The following STOX2 variants were observed in gnomAD, a reference collection of about 807,000 sequenced individuals.
STOX2 encodes the protein storkhead box 2.
Under a neutral mutation model 60.9 loss-of-function variants are expected in STOX2, and 28 were observed. The observed-to-expected ratio is 0.46, with a 90% confidence interval of 0.34 to 0.63. The LOEUF is 0.63. Among genes scored for constraint, STOX2 ranks in the 30% least tolerant of loss-of-function variants. The pLI is 0.01. For missense variants in STOX2, 1,024 were observed against 1,187.7 expected, an observed-to-expected ratio of 0.86 and a Z score of 2.03; for synonymous variants, 472 against 463.9, an observed-to-expected ratio of 1.02 and a Z score of -0.22.
At chr4:183,951,180 A>G (rs1219014824) in intron 1 of STOX2, among the ~76,000 whole-genome samples, 1 of 148,752 alleles carries the variant, frequency 6.7e-6, no homozygotes, top group Non-Finnish European at 1.5e-5. Flanking sequence ...GCGCCACTGC[A>G]CTCCAGCCTG....
rs1012214411 is a variant in STOX2, at chr4:183,856,629, G to A, written c.364+58574G>A. Reference sequence around the variant, plus strand: ...CAGCTAATGGTAGGGTGGTTCATGTGAACATCGCTTTGCAGTTAGCTGTCT... The same window carrying A: ...CAGCTAATGGTAGGGTGGTTCATGTAAACATCGCTTTGCAGTTAGCTGTCT... On this transcript the variant is annotated intron_variant, in intron 1 of 2. Coordinates refer to the STOX2 transcript ENST00000513034. This position sits in a 1 kb window ranked among gnomAD's most constrained non-coding sequence, Gnocchi z 4.0. 2.6e-5 allele frequency among the ~76,000 whole-genome samples: 4 copies of A among 152,192 alleles called. No homozygotes were observed. Among genetic ancestry groups the A allele is most frequent in the African/African-American group, 9.7e-5 (4 of 41,450 alleles).
chr4:183,949,916 G>A (rs1254696445), intron 1 of STOX2, among the ~76,000 whole-genome samples: 1 of 152,064 alleles, frequency 6.6e-6, no homozygotes, highest in Non-Finnish European at 1.5e-5. Flanking sequence ...CCCTCCTCTA[G>A]CAATGTCACC....
At chr4:183,921,389 G>C (rs1742095138) in intron 1 of STOX2, among the ~76,000 whole-genome samples, 1 of 152,308 alleles carries the variant, frequency 6.6e-6, no homozygotes, top group South Asian at 2.1e-4. Context: ...AAGGATCAGT[G>C]AACTGGTTTA....
rs190631532 is a variant in STOX2, at chr4:184,017,651, G to T, written c.*367G>T. On this transcript the variant is annotated 3_prime_UTR_variant, in exon 4 of 4. Coordinates refer to ENST00000308497, the MANE Select transcript of STOX2 (RefSeq NM_020225.3). ...CAGATGCGTGTTGCTCCCAGTCTGTGGTTAAACGGTGCCACAGAACTGATC... is the reference window on the plus strand; with the variant it reads ...CAGATGCGTGTTGCTCCCAGTCTGTTGTTAAACGGTGCCACAGAACTGATC... The T allele has an allele frequency of 7.9e-5, 12 of 152,534 alleles. No individual in the cohort carries two copies. Among genetic ancestry groups the T allele is most frequent in the Admixed American group, 2.0e-4 (3 of 14,888 alleles). The allele number at this position is 152,534 out of a possible 1,614,324, so 9.4% of individuals were successfully genotyped here.
At chr4:183,873,880 A>C (rs1345680525) in intron 1 of STOX2, among the ~76,000 whole-genome samples, 1 of 152,016 alleles carries the variant, frequency 6.6e-6, no homozygotes, top group Admixed American at 6.6e-5. Context: ...CAGGATTGTA[A>C]CTCCAGTGCT....
chr4:183,909,356 A>G (rs1401457579), intron 1 of STOX2, among the ~76,000 whole-genome samples: 1 of 152,246 alleles, frequency 6.6e-6, no homozygotes, highest in Non-Finnish European at 1.5e-5. Flanking sequence ...TGTCACATAA[A>G]ATATTGAGTA....
chr4:183,974,675 G>C (rs1488189576), intron 1 of STOX2, among the ~76,000 whole-genome samples: 1 of 152,086 alleles, frequency 6.6e-6, no homozygotes, highest in Non-Finnish European at 1.5e-5. Flanking sequence ...GCATAAAAAA[G>C]TGTATGTACC....
At position 184,009,202 on chromosome 4, in the gene STOX2, A is replaced by G. The variant is rs1022978638; in HGVS notation, c.364A>G (p.Thr122Ala). ...SQEILRHTLN[T>A]LVRERKIYPT... ...AGAAATTCTGCGGCACACGCTGAAC[A>G]CGCTGGTACGGGAGAGGAAGATCTA... Residue 122 changes from threonine to alanine, a missense_variant, in exon 3 of 4, where the codon ACG (threonine) becomes GCG (alanine). By Grantham distance (58) the Thr-to-Ala change is moderately conservative (BLOSUM62 0). Transcript: ENST00000308497. This position sits in a 1 kb window ranked among gnomAD's most constrained non-coding sequence, Gnocchi z 4.0. 6.3e-6 allele frequency: 10 copies of G among 1,592,144 alleles called. No individual in the cohort carries two copies. The highest frequency in any genetic ancestry group is 5.3e-5 in the Admixed American group (3 of 56,666).
intron 1 of STOX2, among the ~76,000 whole-genome samples, chr4:183,994,610 C>G (rs1431918937): frequency 6.6e-6 from 1 of 152,168 alleles, no homozygotes; most frequent in Non-Finnish European, 1.5e-5. Flanking sequence ...ATTTAGGAGG[C>G]TGAAGGAATC....
intron 1 of STOX2, among the ~76,000 whole-genome samples, chr4:183,960,609 G>A: frequency 6.6e-6 from 1 of 152,168 alleles, no homozygotes; most frequent in Non-Finnish European, 1.5e-5. Flanking sequence ...ACATTAAAGT[G>A]CATTTACATT....
chr4:183,854,087 A>G (rs1740230977), intron 1 of STOX2, among the ~76,000 whole-genome samples: 1 of 152,208 alleles, frequency 6.6e-6, no homozygotes, highest in Non-Finnish European at 1.5e-5. Context: ...CTGTAAATGT[A>G]GAATTATCTG....
intron 1 of STOX2, among the ~76,000 whole-genome samples, chr4:183,878,431 T>G (rs1740879799): frequency 6.6e-6 from 1 of 152,248 alleles, no homozygotes; most frequent in East Asian, 1.9e-4. Flanking sequence ...AAATAAGAAA[T>G]ATTTGTCACT....
chr4:184,007,043 A>C (rs574477970), intron 2 of STOX2, among the ~76,000 whole-genome samples: 56 of 141,758 alleles, frequency 4.0e-4, no homozygotes, highest in South Asian at 1.3e-3. Context: ...CAAAACAAAA[A>C]AAAAATTTTG....
intron 1 of STOX2, among the ~76,000 whole-genome samples, chr4:183,879,838 C>T (rs1267877162): frequency 1.3e-5 from 2 of 151,712 alleles, no homozygotes; most frequent in East Asian, 3.9e-4. Context: ...TTGAGAAGAA[C>T]GTGGGGGGAT....
chr4:183,946,634 T>C (rs66484162), intron 1 of STOX2, among the ~76,000 whole-genome samples: 25 of 117,738 alleles, frequency 2.1e-4, no homozygotes, highest in African/African-American at 4.6e-4. Flanking sequence ...GTGGTTTTTT[T>C]TTTTTTTTTG....
At chr4:183,822,970 C>T (rs1230317016) in intron 1 of STOX2, among the ~76,000 whole-genome samples, 3 of 152,238 alleles carry the variant, frequency 2.0e-5, no homozygotes, top group Non-Finnish European at 4.4e-5. Context: ...CTCTCCTAGC[C>T]TTCCTGTGTC....
At chr4:183,890,664 G>T (rs547027586) in intron 1 of STOX2, among the ~76,000 whole-genome samples, 166 of 151,886 alleles carry the variant, frequency 1.1e-3, no homozygotes, top group African/African-American at 3.7e-3. Context: ...TGTGCACAGA[G>T]TTGAATCAGT....
chr4:184,012,815 A>T (rs1432249026), intron 3 of STOX2, among the ~76,000 whole-genome samples: 1 of 152,160 alleles, frequency 6.6e-6, no homozygotes, highest in African/African-American at 2.4e-5. Context: ...CTTTTCTAAG[A>T]AATCATTTTT....
At chr4:183,835,414 CG>C (rs1274293164) in intron 1 of STOX2, among the ~76,000 whole-genome samples, 8 of 151,826 alleles carry the variant, frequency 5.3e-5, no homozygotes, top group African/African-American at 1.9e-4. Flanking sequence ...TTAGTAGAGA[CG>C]GGGTTTCACC....
Sources: allele counts gnomAD v4.1 joint callset (sites outside exome capture counted in the v4.1 genomes callset), GRCh38; gene constraint gnomAD v4.1.1; non-coding constraint Gnocchi (gnomAD v3.1); transcripts MANE v1.5; gene names NCBI Gene and HGNC (gene_info 2026-07-23, HGNC 2026-07-21).